MFN2: variants seen among roughly 807,000 people sequenced by gnomAD.
The protein encoded by MFN2 is mitofusin-2.
In MFN2, 43 loss-of-function variants were observed where a neutral mutation model predicts 87.5. The ratio of observed to expected loss-of-function variants is 0.49; its 90% CI spans 0.38 to 0.63. The LOEUF is 0.63. Among genes scored for constraint, MFN2 ranks in the 30% least tolerant of loss-of-function variants. The pLI is 0.00. For synonymous variants in MFN2, 337 were observed against 359.9 expected, an observed-to-expected ratio of 0.94 and a Z score of 0.72; for missense variants, 743 against 972.8, an observed-to-expected ratio of 0.76 and a Z score of 3.14.
At chr1:12,008,891 A>G (rs1380246837) in intron 17 of MFN2, among the ~76,000 whole-genome samples, 1 of 152,346 alleles carries the variant, frequency 6.6e-6, no homozygotes, top group Non-Finnish European at 1.5e-5. Context: ...AGCTGAGATC[A>G]TGCCACTGCC....
chr1:11,997,975 C>T (rs1226041321), intron 6 of MFN2, among the ~76,000 whole-genome samples: 2 of 150,250 alleles, frequency 1.3e-5, no homozygotes, highest in East Asian at 4.0e-4. Context: ...CCTCCGCCTC[C>T]CGGGTTCAAG....
intron 18 of MFN2, 74 bp downstream of exon 18, chr1:12,009,800 G>C: frequency 6.2e-7 from 1 of 1,607,806 alleles, no homozygotes; most frequent in Non-Finnish European, 8.5e-7. Flanking sequence ...CAGCTGCTGG[G>C]CTTGCGTCTT....
At chr1:11,985,119 T>C (rs1471120816) in intron 2 of MFN2, among the ~76,000 whole-genome samples, 1 of 151,920 alleles carries the variant, frequency 6.6e-6, no homozygotes, top group Non-Finnish European at 1.5e-5. Context: ...GATCTGACAC[T>C]CTCTCCAGGT....
chr1:11,989,741 C>A (rs1638593657), intron 3 of MFN2, among the ~76,000 whole-genome samples: 1 of 152,160 alleles, frequency 6.6e-6, no homozygotes, highest in Non-Finnish European at 1.5e-5. Context: ...GCCATTAATA[C>A]CAGGCACTGT....
chr1:11,997,054 A>AG (rs942769529), intron 5 of MFN2, among the ~76,000 whole-genome samples: 2 of 152,112 alleles, frequency 1.3e-5, no homozygotes, highest in Non-Finnish European at 2.9e-5. Context: ...AAAAAAAAAA[A>AG]AAAGAATCAA....
chr1:11,985,160 C>T (rs1364052741), intron 2 of MFN2, among the ~76,000 whole-genome samples: 1 of 152,116 alleles, frequency 6.6e-6, no homozygotes, highest in Non-Finnish European at 1.5e-5. Context: ...GAGAGGATAC[C>T]CAGCTGCTGT....
intron 17 of MFN2, among the ~76,000 whole-genome samples, chr1:12,009,200 G>C (rs1000498566): frequency 6.6e-6 from 1 of 151,740 alleles, no homozygotes; most frequent in Non-Finnish European, 1.5e-5. Context: ...GAAAGAGAGG[G>C]AGAGGGAGAC....
intron 17 of MFN2, among the ~76,000 whole-genome samples, chr1:12,008,885 G>C (rs181851840): frequency 6.6e-6 from 1 of 152,210 alleles, no homozygotes; most frequent in African/African-American, 2.4e-5. Flanking sequence ...GTAGCGAGCT[G>C]AGATCATGCC....
chr1:12,000,916 C>T (rs1019440015), intron 8 of MFN2, among the ~76,000 whole-genome samples: 1 of 152,152 alleles, frequency 6.6e-6, no homozygotes, highest in Non-Finnish European at 1.5e-5. Context: ...CCAAGTAACC[C>T]CCACACGTTG....
At chr1:12,007,307 C>T in intron 17 of MFN2, 58 bp downstream of exon 17, 4 of 1,574,470 alleles carry the variant, frequency 2.5e-6, no homozygotes, top group Middle Eastern at 1.7e-4. Context: ...TCAGCCCCAT[C>T]TCCCTTCCCC....
intron 17 of MFN2, among the ~76,000 whole-genome samples, chr1:12,007,774 CT>C (rs964563969): frequency 8.1e-5 from 12 of 148,610 alleles, no homozygotes; most frequent in African/African-American, 2.2e-4. Context: ...TTCTTTCTTT[CT>C]TTTTTTTTTA....
chr1:11,985,085 G>T (rs962599412), intron 2 of MFN2, among the ~76,000 whole-genome samples: 1 of 152,050 alleles, frequency 6.6e-6, no homozygotes, highest in African/African-American at 2.4e-5. Flanking sequence ...GGGCAGTCCT[G>T]GGGACTGAGC....
intron 3 of MFN2, 89 bp downstream of exon 3, chr1:11,989,432 T>C: frequency 1.4e-6 from 2 of 1,454,408 alleles, no homozygotes; most frequent in Non-Finnish European, 1.9e-6. Context: ...ATATCTCTGC[T>C]CCCAGGGAAG....
At chr1:12,000,698 AGT>A (rs1639132059) in intron 8 of MFN2, among the ~76,000 whole-genome samples, 3 of 152,278 alleles carry the variant, frequency 2.0e-5, no homozygotes, top group Admixed American at 2.0e-4. Flanking sequence ...GGGATGTTCT[AGT>A]GATGCCCACT....
In MFN2 at chr1:12,011,589, G is replaced by A. The variant is rs763630899; in HGVS notation, c.*24G>A. 6.0e-5 allele frequency: 97 copies of A among 1,612,698 alleles called. No homozygotes were observed. Among genetic ancestry groups the A allele is most frequent in the Non-Finnish European group, 7.2e-5 (85 of 1,179,568 alleles). On this transcript the variant is annotated 3_prime_UTR_variant, in exon 19 of 19. Transcript: ENST00000235329. ...AGTGGGCACCTGAGGCGGAGTCTGCGTGGAGAGGGGCGGTGCTGCCAGCCC... is the reference window on the plus strand; with the variant it reads ...AGTGGGCACCTGAGGCGGAGTCTGCATGGAGAGGGGCGGTGCTGCCAGCCC...
Position 12,013,152 on chromosome 1 carries a change from A to G in MFN2, c.*1587A>G. The G allele has an allele frequency of 5.7e-6, 2 of 348,520 alleles. No homozygotes were observed. The highest frequency in any genetic ancestry group is 4.4e-5 in the South Asian group (2 of 45,578). 21.6% of individuals were successfully genotyped at this position (348,520 alleles called of 1,614,324 possible). On this transcript the variant is annotated 3_prime_UTR_variant, in exon 19 of 19. Transcript: ENST00000235329. ...GGGCCACTTCACAGCATGTCAGGGA[A>G]AATCACTGTCACACAATTCCAATGG...
In MFN2 at chr1:11,992,547, A is replaced by G. The variant is rs1189123888; in HGVS notation, c.176-8A>G. ...ACGTGGTGACCCATTTTCAATCCCCACCTCCAGACACGTACAGGAATGCAG... is the reference window on the plus strand; with the variant it reads ...ACGTGGTGACCCATTTTCAATCCCCGCCTCCAGACACGTACAGGAATGCAG... On this transcript the variant is annotated splice_region_variant and splice_polypyrimidine_tract_variant and intron_variant, in intron 3 of 18. Transcript: ENST00000235329. 1 of 1,613,766 alleles carries G rather than the reference A, an allele frequency of 6.2e-7. No homozygotes were observed. The highest frequency in any genetic ancestry group is 1.7e-5 in the Admixed American group (1 of 59,956).
intron 17 of MFN2, among the ~76,000 whole-genome samples, chr1:12,009,331 C>T (rs2100867112): frequency 6.6e-6 from 1 of 152,308 alleles, no homozygotes; most frequent in Middle Eastern, 3.4e-3. Context: ...GCAGCAGAGT[C>T]AGGATCTCTT....
chr1:12,008,651 G>C (rs1325254867), intron 17 of MFN2, among the ~76,000 whole-genome samples: 1 of 152,122 alleles, frequency 6.6e-6, no homozygotes, highest in Non-Finnish European at 1.5e-5. Flanking sequence ...CCCAGACGGG[G>C]TGGTGGGGCA....
Sources: allele counts gnomAD v4.1 joint callset (sites outside exome capture counted in the v4.1 genomes callset), GRCh38; gene constraint gnomAD v4.1.1; transcripts MANE v1.5; gene names NCBI Gene and HGNC (gene_info 2026-07-23, HGNC 2026-07-21).